SERPINB7: variants seen among roughly 807,000 people sequenced by gnomAD.
SERPINB7 encodes the protein serpin family B member 7.
A neutral mutation model predicts 37.4 loss-of-function variants in SERPINB7; 31 were observed. The ratio of observed to expected loss-of-function variants is 0.83; its 90% CI spans 0.62 to 1.12. The LOEUF (loss-of-function observed/expected upper bound fraction) is 1.12. Among genes scored for constraint, SERPINB7 ranks in the 50% most tolerant of loss-of-function variants. The pLI is 0.00. For synonymous variants in SERPINB7, 163 were observed against 166.1 expected (o/e 0.98, Z 0.14); for missense variants, 521 against 455.3 (o/e 1.14, Z -1.31).
Position 63,768,266 on chromosome 18 carries a change from A to AT in SERPINB7, c.-18-14080dup, listed in dbSNP as rs60222994. On this transcript the variant is annotated intron_variant, in intron 1 of 7. Transcript: ENST00000336429. ...GATTATTGGTTTGAGACTGTTCTTC[A>AT]TTTTTTTTTATTCTGTAGATCATTC... is the stretch of plus-strand genomic sequence containing the variant. 2.8e-3 allele frequency among the ~76,000 whole-genome samples: 422 copies of AT among 149,910 alleles called. 2 individuals are homozygous for AT. The highest frequency in any genetic ancestry group is 9.3e-3 in the African/African-American group (379 of 40,910).
At chr18:63,803,721 T>C (rs1321635820) in intron 7 of SERPINB7, among the ~76,000 whole-genome samples, 1 of 152,202 alleles carries the variant, frequency 6.6e-6, no homozygotes, top group Non-Finnish European at 1.5e-5. Context: ...TATGGGTAAC[T>C]GCACTGGGAG....
intron 1 of SERPINB7, among the ~76,000 whole-genome samples, chr18:63,780,031 T>G (rs566669493): frequency 6.6e-6 from 1 of 152,278 alleles, no homozygotes; most frequent in African/African-American, 2.4e-5. Context: ...CAGGGTCATT[T>G]AAAAACCTTT....
rs540965814 is a variant in SERPINB7 at position 63,804,162 on chromosome 18, A to G, written c.745-75A>G. The stretch of plus-strand genomic sequence containing the variant: ...CAGGAAGCGATAATTATAGAAAACT[A>G]TGTATCTCTGTAGCTATTGTTTTAT... On this transcript the variant is annotated intron_variant, in intron 7 of 7. Coordinates refer to ENST00000398019, the MANE Select transcript of SERPINB7 (RefSeq NM_003784.4). 2.7e-5 allele frequency: 29 copies of G among 1,081,960 alleles called. No individual in the cohort carries two copies. The African/African-American group carries it at 3.8e-4, about 14-fold the overall frequency. 67.0% of individuals were successfully genotyped at this position (1,081,960 alleles called of 1,614,324 possible).
chr18:63,756,116 C>T (rs901987121), intron 1 of SERPINB7, among the ~76,000 whole-genome samples: 7 of 151,564 alleles, frequency 4.6e-5, no homozygotes, highest in Non-Finnish European at 7.4e-5. Flanking sequence ...CACACACACA[C>T]ACTCATATAT....
intron 2 of SERPINB7, among the ~76,000 whole-genome samples, chr18:63,783,092 A>C (rs985504089): frequency 6.6e-6 from 1 of 151,498 alleles, no homozygotes; most frequent in Non-Finnish European, 1.5e-5. Context: ...GAGCCGAGAT[A>C]GCGCTACTGC....
intron 2 of SERPINB7, among the ~76,000 whole-genome samples, chr18:63,788,198 T>C (rs1050007458): frequency 6.6e-6 from 1 of 152,184 alleles, no homozygotes; most frequent in African/African-American, 2.4e-5. Context: ...GAAGGAGGCA[T>C]TGTTATCATA....
At chr18:63,778,172 G>T (rs1390957837) in intron 1 of SERPINB7, 1 of 151,912 alleles carries the variant, frequency 6.6e-6, no homozygotes, top group Non-Finnish European at 1.5e-5. Context: ...TATATTTCCT[G>T]TGTTCTTATT....
intron 1 of SERPINB7, among the ~76,000 whole-genome samples, chr18:63,756,259 C>T (rs891297491): frequency 6.6e-6 from 1 of 152,136 alleles, no homozygotes; most frequent in Non-Finnish European, 1.5e-5. Context: ...GTTTCTTCCA[C>T]ATGTTTTTAC....
intron 1 of SERPINB7, among the ~76,000 whole-genome samples, chr18:63,769,447 C>G (rs959718263): frequency 2.0e-5 from 3 of 152,072 alleles, no homozygotes; most frequent in Non-Finnish European, 4.4e-5. Context: ...TAAAATCTGT[C>G]TCATCTTGGT....
At chr18:63,754,570 C>T (rs2049109679) in intron 1 of SERPINB7, among the ~76,000 whole-genome samples, 1 of 152,064 alleles carries the variant, frequency 6.6e-6, no homozygotes, top group Admixed American at 6.5e-5. Context: ...TTAGGGTGGT[C>T]CCGAGAGAGA....
chr18:63,798,859 CT>C (rs2049517806), intron 6 of SERPINB7, 113 bp downstream of exon 6: 2 of 1,096,036 alleles, frequency 1.8e-6, no homozygotes, highest in Admixed American at 5.1e-5. Flanking sequence ...CCCATTTCTT[CT>C]TTTGCATTAC....
intron 1 of SERPINB7, among the ~76,000 whole-genome samples, chr18:63,758,229 C>T (rs1178426742): frequency 6.6e-6 from 1 of 152,130 alleles, no homozygotes; most frequent in Non-Finnish European, 1.5e-5. Flanking sequence ...ATATAAACCC[C>T]CAGAAATTTT....
chr18:63,793,168 TC>T lies in SERPINB7; in HGVS notation c.229del (p.Gln77SerfsTer4). 6.4e-7 allele frequency: 1 copy of T among 1,551,088 alleles called. No homozygotes were observed. Among genetic ancestry groups the T allele is most frequent in the Admixed American group, 1.8e-5 (1 of 55,578 alleles). On this transcript the variant is annotated frameshift_variant, in exon 4 of 8. Coordinates refer to ENST00000398019, the MANE Select transcript of SERPINB7 (RefSeq NM_003784.4). LOFTEE classifies it high-confidence loss of function. The stretch of plus-strand genomic sequence containing the variant: ...ACATCTTTTTAATAACAGTCAGGGC[TC>T]CAGTCTCAACTGAAAAGAGTTTTTT... ...YGNSSNSQSGLQSQLKRVFSD... is the reference protein window; with the variant it reads ...YGNSSNSQSGXQSQLKRVFSD...
intron 2 of SERPINB7, among the ~76,000 whole-genome samples, chr18:63,787,640 T>C (rs2049385609): frequency 6.6e-6 from 1 of 152,152 alleles, no homozygotes. Context: ...TTTCCAATGG[T>C]AGCTTTAGGA....
chr18:63,782,356 C>G lies in SERPINB7; in HGVS notation c.-17C>G, dbSNP rs768242575. 1.2e-6 allele frequency: 2 copies of G among 1,601,894 alleles called. No individual in the cohort carries two copies. Among genetic ancestry groups the G allele is most frequent in the Non-Finnish European group, 1.7e-6 (2 of 1,172,372 alleles). Reference sequence around the variant, plus strand: ...TTTCATTTTCTCATTGTCCTCTAGGCTGCACTCCATTTTGCAATGGCCTCC... The same window carrying G: ...TTTCATTTTCTCATTGTCCTCTAGGGTGCACTCCATTTTGCAATGGCCTCC... On this transcript the variant is annotated splice_region_variant and 5_prime_UTR_variant, in exon 2 of 8. Transcript: ENST00000398019.
At chr18:63,786,144 C>CGTATATACATATAT (rs1181124480) in intron 2 of SERPINB7, among the ~76,000 whole-genome samples, 921 of 89,930 alleles carry the variant, frequency 0.01, 82 homozygotes, top group African/African-American at 0.029. Context: ...TACATATATA[C>CGTATATACATATAT]ACACACACAC....
At chr18:63,766,613 C>T (rs2049182143) in intron 1 of SERPINB7, among the ~76,000 whole-genome samples, 2 of 152,016 alleles carry the variant, frequency 1.3e-5, no homozygotes, top group African/African-American at 2.4e-5. Context: ...CAGGAATGTT[C>T]TTCTGAAATT....
chr18:63,793,108 A>G (rs2049446356), intron 3 of SERPINB7, 53 bp from the exon 4 acceptor site: 9 of 916,232 alleles, frequency 9.8e-6, no homozygotes, highest in South Asian at 1.7e-5. Flanking sequence ...AAGTGAGATT[A>G]TGCATATCTT....
chr18:63,783,191 AGAGAG>A lies in SERPINB7; in HGVS notation c.168+652_168+656del, dbSNP rs1568207535. On this transcript the variant is annotated intron_variant, in intron 2 of 7. Coordinates refer to ENST00000398019, the MANE Select transcript of SERPINB7 (RefSeq NM_003784.4). ...AGAAAATAAAGAAAGAAAGAAAGAG[AGAGAG>A]AGAGAGAGAGAGAGAGAGAGAGAGA... 3.7e-3 allele frequency among the ~76,000 whole-genome samples: 230 copies of A among 61,804 alleles called. 3 individuals are homozygous for A. Among genetic ancestry groups the A allele is most frequent in the African/African-American group, 0.012 (171 of 14,540 alleles). 40.5% of individuals were successfully genotyped at this position (61,804 alleles called of 152,430 possible).
Sources: gnomAD v4.1 joint callset for allele counts (sites outside exome capture counted in the v4.1 genomes callset) on GRCh38, gnomAD v4.1.1 for gene constraint, MANE v1.5 for transcripts, NCBI Gene and HGNC (gene_info 2026-07-23, HGNC 2026-07-21) for gene names.